The following SEPTIN11 variants were observed in gnomAD, a reference collection of about 807,000 sequenced individuals.
SEPTIN11 encodes the protein septin 11, also known as septin-11.
A neutral mutation model predicts 51.4 loss-of-function variants in SEPTIN11; 25 were observed. That is an observed-to-expected ratio of 0.49 (90% CI 0.35 to 0.68). The LOEUF (loss-of-function observed/expected upper bound fraction) is 0.68. Ranked by LOEUF, SEPTIN11 falls within the 30% of genes least tolerant of loss-of-function variation. SEPTIN11 has a pLI of 0.00. For synonymous variants in SEPTIN11, 174 were observed against 184.1 expected (o/e 0.95, Z 0.44); for missense variants, 381 against 520.8 (o/e 0.73, Z 2.61).
intron 1 of SEPTIN11, among the ~76,000 whole-genome samples, chr4:76,987,488 C>G (rs534055363): frequency 8.2e-4 from 125 of 152,256 alleles, no homozygotes; most frequent in South Asian, 1.7e-3. Flanking sequence ...GAAAGCATCC[C>G]GATGCTGGCT....
chr4:77,010,300 C>G (rs979219908), intron 3 of SEPTIN11, among the ~76,000 whole-genome samples: 1 of 152,072 alleles, frequency 6.6e-6, no homozygotes, highest in East Asian at 1.9e-4. Context: ...AACCACCATC[C>G]TCTATAACTA....
intron 1 of SEPTIN11, chr4:76,974,887 C>G (rs1722415274): frequency 6.6e-6 from 3 of 455,884 alleles, no homozygotes; most frequent in South Asian, 4.7e-5. Flanking sequence ...CTTTGGGAGG[C>G]CGAGGCAGGC....
At chr4:76,977,672 T>TA (rs1336534014) in intron 1 of SEPTIN11, among the ~76,000 whole-genome samples, 2 of 151,978 alleles carry the variant, frequency 1.3e-5, no homozygotes, top group African/African-American at 4.8e-5. Flanking sequence ...TTAGCCTTTC[T>TA]AAAAAGGATG....
At chr4:76,993,987 A>C (rs1723522015) in intron 1 of SEPTIN11, among the ~76,000 whole-genome samples, 2 of 152,176 alleles carry the variant, frequency 1.3e-5, no homozygotes, top group South Asian at 4.1e-4. Flanking sequence ...ATTCTTTCCC[A>C]GGATTGGTTC....
intron 1 of SEPTIN11, chr4:76,996,009 G>A (rs1406496608): frequency 1.5e-6 from 2 of 1,365,360 alleles, no homozygotes; most frequent in African/African-American, 1.4e-5. Context: ...GTTCTTTTAT[G>A]TATCTGGAAG....
chr4:77,019,030 A>C, intron 5 of SEPTIN11, 135 bp from the exon 6 acceptor site: 1 of 708,704 alleles, frequency 1.4e-6, no homozygotes, highest in Admixed American at 2.6e-5. Context: ...CGTGACATCC[A>C]CCCACCAAAC....
At chr4:76,969,621 G>A (rs920421496) in intron 1 of SEPTIN11, among the ~76,000 whole-genome samples, 1 of 152,100 alleles carries the variant, frequency 6.6e-6, no homozygotes, top group Non-Finnish European at 1.5e-5. Flanking sequence ...GAAAAGAGAA[G>A]TCCATATGCA....
intron 1 of SEPTIN11, among the ~76,000 whole-genome samples, chr4:76,980,563 G>A (rs1029523559): frequency 3.9e-5 from 6 of 152,140 alleles, no homozygotes; most frequent in Non-Finnish European, 8.8e-5. Flanking sequence ...GGCAAAAGAG[G>A]CTTAACTCTG....
chr4:77,007,095 T>C (rs559049649), intron 3 of SEPTIN11, among the ~76,000 whole-genome samples: 99 of 152,280 alleles, frequency 6.5e-4, no homozygotes, highest in African/African-American at 2.2e-3. Context: ...TCTTAATATA[T>C]GACCTCAATG....
intron 1 of SEPTIN11, among the ~76,000 whole-genome samples, chr4:76,985,845 A>G (rs546382416): frequency 6.6e-6 from 1 of 152,316 alleles, no homozygotes; most frequent in South Asian, 2.1e-4. Flanking sequence ...TGTTGAAACA[A>G]CAAGGCGCTT....
At position 77,036,556 on chromosome 4, in the gene SEPTIN11, T is replaced by G; in HGVS notation, c.*2044T>G. On this transcript the variant is annotated 3_prime_UTR_variant, in exon 10 of 10. Coordinates refer to ENST00000264893, the MANE Select transcript of SEPTIN11 (RefSeq NM_018243.4). ...AGCTGACTTTTTGATTCCAAGATTA[T>G]TGATTGGATTGACTTTTTTGCATTA... 1 of 1,408,156 alleles carries G rather than the reference T, an allele frequency of 7.1e-7. No individual in the cohort carries two copies. The highest frequency in any genetic ancestry group is 1.6e-5 in the South Asian group (1 of 63,454). 87.2% of individuals were successfully genotyped at this position (1,408,156 alleles called of 1,614,324 possible).
At chr4:76,995,758 G>A in intron 1 of SEPTIN11, 2 of 1,454,944 alleles carry the variant, frequency 1.4e-6, no homozygotes, top group Non-Finnish European at 1.8e-6. Flanking sequence ...ATTTTAAAAT[G>A]TATGATAACT....
chr4:77,032,847 C>T (rs1197350309), intron 9 of SEPTIN11, among the ~76,000 whole-genome samples: 1 of 152,170 alleles, frequency 6.6e-6, no homozygotes, highest in Non-Finnish European at 1.5e-5. Context: ...TAGTAACAAA[C>T]TTCCCAGTGT....
At chr4:76,956,993 T>TGTGTGTGTGTGTGTGAGA (rs769320568) in intron 1 of SEPTIN11, among the ~76,000 whole-genome samples, 44 of 98,576 alleles carry the variant, frequency 4.5e-4, no homozygotes, top group African/African-American at 1.4e-3. Context: ...TGTGTGTGTG[T>TGTGTGTGTGTGTGTGAGA]GAGAGAGAGA....
chr4:76,961,815 C>T (rs1721836650), intron 1 of SEPTIN11, among the ~76,000 whole-genome samples: 1 of 152,200 alleles, frequency 6.6e-6, no homozygotes, highest in Non-Finnish European at 1.5e-5. Flanking sequence ...TAACTGGGGA[C>T]TGTCCGTGTT....
Position 76,969,235 on chromosome 4 carries a change from G to A in SEPTIN11, c.27+19305G>A, listed in dbSNP as rs76993215. On this transcript the variant is annotated intron_variant, in intron 1 of 9. Transcript: ENST00000264893. Reference sequence around the variant, plus strand: ...TCTTAATATTACAACTTGCATTGAGGATCTGGGACTCTTGAACACATTGTC... The same window carrying A: ...TCTTAATATTACAACTTGCATTGAGAATCTGGGACTCTTGAACACATTGTC... 9.3e-3 allele frequency among the ~76,000 whole-genome samples: 1,414 copies of A among 152,200 alleles called. 5 individuals are homozygous for A. Among genetic ancestry groups the A allele is most frequent in the Middle Eastern group, 0.037 (11 of 294 alleles).
At chr4:77,015,925 C>T (rs1725189537) in intron 5 of SEPTIN11, among the ~76,000 whole-genome samples, 1 of 152,142 alleles carries the variant, frequency 6.6e-6, no homozygotes, top group African/African-American at 2.4e-5. Flanking sequence ...GAGTGTTTAA[C>T]TAGTAGAGCC....
At position 77,004,900 on chromosome 4, in the gene SEPTIN11, T is replaced by C. The variant is rs150866287; in HGVS notation, c.143-701T>C. ...ATCACTTGAATCCAGGAGATGAAGG[T>C]TGCAGTGAGCCGAGATCGCGCCACT... On this transcript the variant is annotated intron_variant, in intron 2 of 9. Coordinates refer to ENST00000264893, the MANE Select transcript of SEPTIN11 (RefSeq NM_018243.4). Among the ~76,000 whole-genome samples, 357 of 152,162 alleles carry C rather than the reference T, an allele frequency of 2.3e-3. 1 individual carries two copies. Among genetic ancestry groups the C allele is most frequent in the African/African-American group, 8.2e-3 (340 of 41,510 alleles).
intron 1 of SEPTIN11, among the ~76,000 whole-genome samples, chr4:76,980,229 A>C (rs1167896201): frequency 1.3e-5 from 2 of 152,196 alleles, no homozygotes; most frequent in Admixed American, 1.3e-4. Flanking sequence ...CCTTGATCCC[A>C]GAATATGAGG....
Sources: allele counts gnomAD v4.1 joint callset (sites outside exome capture counted in the v4.1 genomes callset), GRCh38; gene constraint gnomAD v4.1.1; transcripts MANE v1.5; gene names NCBI Gene and HGNC (gene_info 2026-07-23, HGNC 2026-07-21).